NAPA: variants seen among roughly 807,000 people sequenced by gnomAD.
The protein encoded by NAPA is NSF attachment protein alpha.
A neutral mutation model predicts 48.0 loss-of-function variants in NAPA; 18 were observed. The observed-to-expected ratio is 0.38, with a 90% confidence interval of 0.26 to 0.56. The LOEUF is 0.56. Ranked by LOEUF, NAPA falls within the 20% of genes least tolerant of loss-of-function variation. The probability of loss-of-function intolerance (pLI) is 0.77; values close to 1 mark genes in which losing one functional copy is unlikely to be tolerated. For synonymous variants in NAPA, 152 were observed against 149.9 expected, an observed-to-expected ratio of 1.01 and a Z score of -0.10; for missense variants, 315 against 385.0, an observed-to-expected ratio of 0.82 and a Z score of 1.52.
Position 47,501,041 on chromosome 19 carries a change from A to G in NAPA, c.179-292T>C, listed in dbSNP as rs189394297. Among the ~76,000 whole-genome samples, 11 of 152,234 alleles carry G rather than the reference A, an allele frequency of 7.2e-5. No homozygotes were observed. The East Asian group carries it at 2.1e-3, about 29-fold the overall frequency. ...AAGGCCCTGAGCCCCAGGTATATGG[A>G]AAGAGAGCCAGGGTAAGCCCAGGTA... On this transcript the variant is annotated intron_variant, in intron 2 of 10. Coordinates refer to ENST00000263354, the MANE Select transcript of NAPA (RefSeq NM_003827.4).
At chr19:47,509,345 AAAAT>A (rs1412799075) in intron 1 of NAPA, among the ~76,000 whole-genome samples, 2,519 of 145,544 alleles carry the variant, frequency 0.017, 34 homozygotes, top group Non-Finnish European at 0.028. Flanking sequence ...AAAATAAAAT[AAAAT>A]AAATAAAATA....
Position 47,493,547 on chromosome 19 carries a change from G to T in NAPA, c.343-54C>A. Reference sequence around the variant, plus strand: ...GCGACTCATGACCTCCTGCGTGCCTGCCTGCTGACCTATGACCCTTCAAGT... The same window carrying T: ...GCGACTCATGACCTCCTGCGTGCCTTCCTGCTGACCTATGACCCTTCAAGT... On this transcript the variant is annotated intron_variant, in intron 4 of 10. Coordinates refer to ENST00000263354, the MANE Select transcript of NAPA (RefSeq NM_003827.4). The surrounding 1 kb of genome is among the most constrained non-coding windows in gnomAD (Gnocchi z 6.4). 1 of 1,525,792 alleles carries T rather than the reference G, an allele frequency of 6.6e-7. No homozygotes were observed. The highest frequency in any genetic ancestry group is 9.1e-7 in the Non-Finnish European group (1 of 1,102,834). The allele number at this position is 1,525,792 out of a possible 1,614,324, so 94.5% of individuals were successfully genotyped here.
At chr19:47,510,514 C>T in intron 1 of NAPA, among the ~76,000 whole-genome samples, 1 of 152,220 alleles carries the variant, frequency 6.6e-6, no homozygotes, top group East Asian at 1.9e-4. Context: ...CTCATTTATC[C>T]TTAAAACCAC....
At chr19:47,486,914 T>C (rs1968091085), downstream of NAPA, among the ~76,000 whole-genome samples, 1 of 152,160 alleles carries the variant, frequency 6.6e-6, no homozygotes, top group African/African-American at 2.4e-5. Flanking sequence ...AGGCAGCCCC[T>C]CCTCTGTGCA....
At chr19:47,512,461 T>C (rs1360892387) in intron 1 of NAPA, among the ~76,000 whole-genome samples, 2 of 152,162 alleles carry the variant, frequency 1.3e-5, no homozygotes, top group Non-Finnish European at 1.5e-5. Flanking sequence ...CTGTTCATCC[T>C]GCCTTCCCAA....
At chr19:47,495,314 ATGAAAAC>A (rs1968392075) in intron 4 of NAPA, 2 of 581,660 alleles carry the variant, frequency 3.4e-6, no homozygotes, top group Non-Finnish European at 6.1e-6. Context: ...AGTTCTATGA[ATGAAAAC>A]CATGACTGCC....
intron 7 of NAPA, chr19:47,492,504 G>A (rs1968299136): frequency 7.7e-6 from 3 of 389,168 alleles, no homozygotes; most frequent in South Asian, 2.2e-5. Context: ...CTCCCAGGGG[G>A]CCAGCTGCCT....
intron 9 of NAPA, 41 bp downstream of exon 9, chr19:47,490,747 T>C (rs1968243219): frequency 1.3e-6 from 2 of 1,586,490 alleles, no homozygotes; most frequent in Non-Finnish European, 1.7e-6. Flanking sequence ...CACCCCCGTC[T>C]GAGGTTCGGG....
At chr19:47,499,774 T>C (rs1968526259) in intron 3 of NAPA, among the ~76,000 whole-genome samples, 3 of 152,260 alleles carry the variant, frequency 2.0e-5, no homozygotes, top group Admixed American at 6.5e-5. Flanking sequence ...CACTGATCCA[T>C]GGAGGAAGCT....
chr19:47,495,659 G>T, intron 3 of NAPA, 63 bp from the exon 4 acceptor site: 1 of 1,541,142 alleles, frequency 6.5e-7, no homozygotes. Context: ...AGAAGCTGAG[G>T]AGAGGAGGCG....
At position 47,489,754 on chromosome 19, in the gene NAPA, A is replaced by T. The variant is rs1968187923; in HGVS notation, c.743T>A (p.Leu248Gln). 6.2e-7 allele frequency: 1 copy of T among 1,613,934 alleles called. No individual in the cohort carries two copies. The highest frequency in any genetic ancestry group is 8.5e-7 in the Non-Finnish European group (1 of 1,180,000). Residue 248 changes from leucine to glutamine, a missense_variant, in exon 10 of 11, where the codon CTA becomes CAA. Transcript: ENST00000263354. The stretch of plus-strand genomic sequence containing the variant: ...CACATTCTGCTCCTCGTGGGCCTCT[A>T]GCAATTTCTGCAAGCAAATGGCAGA... The part of the protein sequence containing the change: ...SRECKLMKKL[L>Q]EAHEEQNVDS...
In NAPA at chr19:47,506,545, C is replaced by G. The variant is rs780736844; in HGVS notation, c.99-3043G>C. On this transcript the variant is annotated intron_variant, in intron 1 of 10. Transcript: ENST00000263354. This position sits in a 1 kb window ranked among gnomAD's most constrained non-coding sequence, Gnocchi z 4.0. ...ACTAAGTCCTATCCAGCTCCATGCA[C>G]TCTCTGAAAAAGCACAGACCCTGGA... is the stretch of plus-strand genomic sequence containing the variant. Among the ~76,000 whole-genome samples the G allele has an allele frequency of 6.6e-6, 1 of 152,222 alleles. No homozygotes were observed. Among genetic ancestry groups the G allele is most frequent in the Non-Finnish European group, 1.5e-5 (1 of 68,038 alleles).
chr19:47,492,737 C>A (rs1422981263), intron 7 of NAPA: 3 of 681,240 alleles, frequency 4.4e-6, no homozygotes, highest in East Asian at 2.8e-5. Context: ...GGGAGGGGCA[C>A]AGCCAGGGAG....
At chr19:47,497,526 T>A (rs1201059795) in intron 3 of NAPA, 3 of 152,306 alleles carry the variant, frequency 2.0e-5, no homozygotes, top group Non-Finnish European at 4.4e-5. Context: ...TACTCTTATC[T>A]CAGGTCACCA....
At chr19:47,491,907 C>A in intron 8 of NAPA, 108 bp downstream of exon 8, 1 of 966,016 alleles carries the variant, frequency 1.0e-6, no homozygotes, top group Non-Finnish European at 1.6e-6. Context: ...CTGGCAGGGG[C>A]CAGACGTGAG....
At chr19:47,485,919 C>T (rs989641327), downstream of NAPA, among the ~76,000 whole-genome samples, 7 of 152,174 alleles carry the variant, frequency 4.6e-5, no homozygotes, top group African/African-American at 9.7e-5. Flanking sequence ...TTCCTTCAGG[C>T]GTCTTCCCGC....
At chr19:47,496,822 C>T (rs540945866) in intron 3 of NAPA, 7 of 455,148 alleles carry the variant, frequency 1.5e-5, no homozygotes, top group Non-Finnish European at 3.1e-5. Flanking sequence ...CTCCTTCTGA[C>T]ATGTAAACAG....
intron 4 of NAPA, among the ~76,000 whole-genome samples, chr19:47,494,735 CA>C (rs11462456): frequency 8.0e-4 from 54 of 67,210 alleles, no homozygotes; most frequent in African/African-American, 2.4e-3. Flanking sequence ...AACTCTGTCT[CA>C]AAAAAAAAAA....
rs150717602 is a variant in NAPA, at chr19:47,500,060, T to C, written c.295+573A>G. ...GGAGGCACCCAGGGGGACAAAACTG[T>C]TTTCTCACCATGAGTCAGCCCCAAA... is the stretch of plus-strand genomic sequence containing the variant. On this transcript the variant is annotated intron_variant, in intron 3 of 10. Transcript: ENST00000263354. 5.3e-5 allele frequency among the ~76,000 whole-genome samples: 8 copies of C among 152,252 alleles called. No individual in the cohort carries two copies. In the East Asian group the frequency reaches 1.5e-3, roughly 29 times the overall value.
Sources: gnomAD v4.1 joint callset for allele counts (sites outside exome capture counted in the v4.1 genomes callset) on GRCh38, gnomAD v4.1.1 for gene constraint, Gnocchi (gnomAD v3.1) non-coding constraint, MANE v1.5 for transcripts, NCBI Gene and HGNC (gene_info 2026-07-23, HGNC 2026-07-21) for gene names.